The following CAMTA1 variants were observed in gnomAD, a reference collection of about 807,000 sequenced individuals.
The protein encoded by CAMTA1 is calmodulin-binding transcription activator 1.
A neutral mutation model predicts 170.9 loss-of-function variants in CAMTA1; 27 were observed. The ratio of observed to expected loss-of-function variants is 0.16; its 90% confidence interval spans 0.12 to 0.22. The LOEUF is 0.22. Ranked by LOEUF, CAMTA1 falls within the 10% of genes least tolerant of loss-of-function variation. The probability of loss-of-function intolerance (pLI) is 1.00; values close to 1 mark genes in which losing one functional copy is unlikely to be tolerated. For missense variants in CAMTA1, 1,619 were observed against 2,217.2 expected, an observed-to-expected ratio of 0.73 and a Z score of 5.42; for synonymous variants, 833 against 891.5, an observed-to-expected ratio of 0.93 and a Z score of 1.17.
intron 4 of CAMTA1, among the ~76,000 whole-genome samples, chr1:7,111,528 G>T (rs529291423): frequency 1.4e-4 from 21 of 152,290 alleles, no homozygotes; most frequent in African/African-American, 5.1e-4. Context: ...TTCAGAGAAT[G>T]GTGTTGGACA....
chr1:7,013,699 G>GC (rs1423924407), intron 3 of CAMTA1, among the ~76,000 whole-genome samples: 1 of 152,116 alleles, frequency 6.6e-6, no homozygotes, highest in Admixed American at 6.5e-5. Context: ...TGGACTCACC[G>GC]CCCCCCTGGT....
In CAMTA1 at chr1:6,965,342, G is replaced by T. The variant is rs764588825; in HGVS notation, c.235-125962G>T. 6.6e-6 allele frequency among the ~76,000 whole-genome samples: 1 copy of T among 152,074 alleles called. No individual in the cohort carries two copies. Among genetic ancestry groups the T allele is most frequent in the Non-Finnish European group, 1.5e-5 (1 of 68,006 alleles). On this transcript the variant is annotated intron_variant, in intron 3 of 22. Coordinates refer to ENST00000303635, the MANE Select transcript of CAMTA1 (RefSeq NM_015215.4). This position sits in a 1 kb window ranked among gnomAD's most constrained non-coding sequence, Gnocchi z 4.1. ...GTGTGGGTGTGTGTGTAGGGGGCAC[G>T]CAGCCAGCTCTAACTTGAGCAGAGG...
chr1:7,310,656 T>C (rs1222818803), intron 5 of CAMTA1, among the ~76,000 whole-genome samples: 3 of 58,586 alleles, frequency 5.1e-5, no homozygotes, highest in Non-Finnish European at 9.2e-5. Flanking sequence ...TTTTTCTTTC[T>C]TTCTTTCTTT....
At chr1:7,677,861 G>A in intron 11 of CAMTA1, 128 bp downstream of exon 11, 2 of 1,122,184 alleles carry the variant, frequency 1.8e-6, no homozygotes, top group Non-Finnish European at 2.5e-6. Context: ...TGTGAGCAAA[G>A]GAAGGCCGAC....
chr1:7,215,582 C>A (rs185397511), intron 4 of CAMTA1, among the ~76,000 whole-genome samples: 51 of 152,220 alleles, frequency 3.4e-4, no homozygotes, highest in African/African-American at 1.2e-3. Flanking sequence ...TTAGTAGAGA[C>A]GGGGTTTCAC....
chr1:6,813,733 C>T (rs1031406438), intron 1 of CAMTA1, among the ~76,000 whole-genome samples: 4 of 152,120 alleles, frequency 2.6e-5, no homozygotes, highest in Admixed American at 6.5e-5. Context: ...ACAGTCCTCC[C>T]GCCTCAGCCT....
intron 4 of CAMTA1, among the ~76,000 whole-genome samples, chr1:7,131,993 C>T (rs182697968): frequency 3.9e-4 from 59 of 152,036 alleles, no homozygotes; most frequent in East Asian, 1.9e-3. Flanking sequence ...AGGGAGGTTG[C>T]AGTGAGCCGA....
intron 3 of CAMTA1, among the ~76,000 whole-genome samples, chr1:6,958,085 T>C (rs1257677831): frequency 6.6e-6 from 1 of 152,170 alleles, no homozygotes; most frequent in Admixed American, 6.5e-5. Flanking sequence ...GGAGTGGACA[T>C]ACCCCATGGC....
chr1:7,533,409 G>A (rs2094513792), intron 6 of CAMTA1, among the ~76,000 whole-genome samples: 1 of 152,214 alleles, frequency 6.6e-6, no homozygotes, highest in South Asian at 2.1e-4. Context: ...AAGAAGGGCT[G>A]GGTCCTTACT....
At chr1:6,938,360 A>T (rs1212447204) in intron 3 of CAMTA1, among the ~76,000 whole-genome samples, 3 of 151,674 alleles carry the variant, frequency 2.0e-5, no homozygotes, top group South Asian at 2.1e-4. Flanking sequence ...GGTGGGGAGG[A>T]TGGAGGAGGC....
At chr1:6,805,054 T>C (rs1644358416) in intron 1 of CAMTA1, among the ~76,000 whole-genome samples, 1 of 152,214 alleles carries the variant, frequency 6.6e-6, no homozygotes. Context: ...AGGAGTGGAA[T>C]TGTGGTGTCG....
chr1:6,868,114 T>C (rs1557730380), intron 3 of CAMTA1, among the ~76,000 whole-genome samples: 1 of 151,946 alleles, frequency 6.6e-6, no homozygotes. Context: ...CTGGCCTGGG[T>C]AGTTCTTTTT....
intron 5 of CAMTA1, among the ~76,000 whole-genome samples, chr1:7,359,707 G>A (rs1390524547): frequency 6.6e-6 from 1 of 152,200 alleles, no homozygotes; most frequent in African/African-American, 2.4e-5. Context: ...CTTCCTGAGA[G>A]CTGGCATGAG....
chr1:7,490,954 C>T (rs888532388), intron 6 of CAMTA1, among the ~76,000 whole-genome samples: 4 of 152,210 alleles, frequency 2.6e-5, no homozygotes, highest in Admixed American at 1.3e-4. Context: ...TCCTTCTGTG[C>T]TTGTCTCTTC....
At chr1:7,667,954 G>T (rs931494715) in intron 9 of CAMTA1, among the ~76,000 whole-genome samples, 1 of 152,202 alleles carries the variant, frequency 6.6e-6, no homozygotes, top group African/African-American at 2.4e-5. Context: ...CCTCCTTGCT[G>T]TCCTCTCCTA....
chr1:7,074,796 C>T (rs143363712), intron 3 of CAMTA1, among the ~76,000 whole-genome samples: 5 of 152,294 alleles, frequency 3.3e-5, no homozygotes, highest in African/African-American at 1.2e-4. Flanking sequence ...TAGGAACGAT[C>T]ATTATTCCCA....
chr1:7,768,342 T>G lies in CAMTA1; in HGVS notation c.*1851T>G, dbSNP rs2097036395. On this transcript the variant is annotated 3_prime_UTR_variant, in exon 23 of 23. Transcript: ENST00000303635. ...AACAATTAAACTGCTAATGTTAAAT[T>G]GAGAGAATAAAGTTCGTATTTGCTG... 1 of 152,760 alleles carries G rather than the reference T, an allele frequency of 6.5e-6. No individual in the cohort carries two copies. The highest frequency in any genetic ancestry group is 1.5e-5 in the Non-Finnish European group (1 of 68,042). The allele number at this position is 152,760 out of a possible 1,614,324, so 9.5% of individuals were successfully genotyped here.
intron 3 of CAMTA1, among the ~76,000 whole-genome samples, chr1:7,074,935 A>G (rs1190878313): frequency 6.6e-6 from 1 of 152,202 alleles, no homozygotes; most frequent in African/African-American, 2.4e-5. Flanking sequence ...GCTGGCATGC[A>G]GTCATGTTCT....
At chr1:6,944,591 C>T (rs1262619918) in intron 3 of CAMTA1, among the ~76,000 whole-genome samples, 1 of 152,188 alleles carries the variant, frequency 6.6e-6, no homozygotes, top group African/African-American at 2.4e-5. Context: ...ATGCTGTCCT[C>T]CACCACCCTC....
Sources: allele counts gnomAD v4.1 joint callset (sites outside exome capture counted in the v4.1 genomes callset), GRCh38; gene constraint gnomAD v4.1.1; non-coding constraint Gnocchi (gnomAD v3.1); transcripts MANE v1.5; gene names NCBI Gene and HGNC (gene_info 2026-07-23, HGNC 2026-07-21).